PTPRO: variants seen among roughly 807,000 people sequenced by gnomAD.
The protein encoded by PTPRO is protein tyrosine phosphatase receptor type O.
A neutral mutation model predicts 145.2 loss-of-function variants in PTPRO; 62 were observed. The ratio of observed to expected loss-of-function variants is 0.43; its 90% confidence interval spans 0.35 to 0.53. The LOEUF (loss-of-function observed/expected upper bound fraction) is 0.53. Ranked by LOEUF, PTPRO falls within the 20% of genes least tolerant of loss-of-function variation. PTPRO has a pLI of 0.01. For synonymous variants in PTPRO, 565 were observed against 514.7 expected, an observed-to-expected ratio of 1.10 and a Z score of -1.32; for missense variants, 1,345 against 1,482.7, an observed-to-expected ratio of 0.91 and a Z score of 1.53.
chr12:15,545,807 G>A (rs1269556648), intron 12 of PTPRO, among the ~76,000 whole-genome samples: 1 of 152,120 alleles, frequency 6.6e-6, no homozygotes, highest in African/African-American at 2.4e-5. Flanking sequence ...GCCAAAGTGG[G>A]TGGATTGCTG....
intron 1 of PTPRO, among the ~76,000 whole-genome samples, chr12:15,364,898 A>G (rs1299625731): frequency 2.0e-5 from 3 of 152,180 alleles, no homozygotes; most frequent in Non-Finnish European, 4.4e-5. Context: ...TGTTATTCTA[A>G]TATCAGTTCA....
rs1944294582 is a variant in PTPRO at position 15,580,806 on chromosome 12, T to G, written c.3107T>G (p.Leu1036Arg). The G allele has an allele frequency of 1.2e-6, 2 of 1,613,980 alleles. No individual in the cohort carries two copies. The highest frequency in any genetic ancestry group is 1.7e-6 in the Non-Finnish European group (2 of 1,179,890). The change falls in exon 22 of 27, where the codon CTC (leucine) becomes CGC (arginine). Residue 1036 changes from leucine (L) to arginine (R), a missense_variant. This residue lies in a region of PTPRO where 208 missense variants were observed against 242.8 expected (regional missense o/e 0.86). Transcript: ENST00000281171. ...CAAAAGTCTCAGATTATTGTCATGCTCACTCAGTGTAATGAGAAAAGGAGG... is the reference window on the plus strand; with the variant it reads ...CAAAAGTCTCAGATTATTGTCATGCGCACTCAGTGTAATGAGAAAAGGAGG... ...LQQKSQIIVM[L>R]TQCNEKRRVK...
At chr12:15,423,780 G>A (rs1940209521) in intron 1 of PTPRO, among the ~76,000 whole-genome samples, 6 of 152,138 alleles carry the variant, frequency 3.9e-5, no homozygotes, top group Admixed American at 3.3e-4. Context: ...TTCATTCCTA[G>A]CCATCGCTTT....
At position 15,344,436 on chromosome 12, in the gene PTPRO, A is replaced by T. The variant is rs114090584; in HGVS notation, c.75+21635A>T. Among the ~76,000 whole-genome samples, 1,156 of 152,298 alleles carry T rather than the reference A, an allele frequency of 7.6e-3. 9 individuals carry two copies. Among genetic ancestry groups the T allele is most frequent in the African/African-American group, 0.026 (1,063 of 41,556 alleles). On this transcript the variant is annotated intron_variant, in intron 1 of 26. Coordinates refer to ENST00000281171, the MANE Select transcript of PTPRO (RefSeq NM_030667.3). Reference sequence around the variant, plus strand: ...ATCTCATAAAACTCAGATAAATGCAAATAAGTCAATGAAAAGAATAGCTCT... The same window carrying T: ...ATCTCATAAAACTCAGATAAATGCATATAAGTCAATGAAAAGAATAGCTCT...
chr12:15,395,212 AGCAGATGTAGGATCACG>A (rs915090759), intron 1 of PTPRO, among the ~76,000 whole-genome samples: 1 of 152,182 alleles, frequency 6.6e-6, no homozygotes, highest in Non-Finnish European at 1.5e-5. Context: ...GAAGAGCAGG[AGCAGATGTAGGATCACG>A]GCAGGGTGAG....
At chr12:15,477,887 A>G (rs985284578) in intron 1 of PTPRO, among the ~76,000 whole-genome samples, 9 of 152,120 alleles carry the variant, frequency 5.9e-5, no homozygotes, top group Admixed American at 4.6e-4. Flanking sequence ...TATCTCTTGC[A>G]CAGCTGTGAC....
At chr12:15,363,313 A>G (rs1938264556) in intron 1 of PTPRO, among the ~76,000 whole-genome samples, 2 of 152,186 alleles carry the variant, frequency 1.3e-5, no homozygotes, top group Admixed American at 6.5e-5. Flanking sequence ...TCTCCTCCAC[A>G]TGACGTTTAA....
intron 1 of PTPRO, among the ~76,000 whole-genome samples, chr12:15,325,003 A>G (rs1387001673): frequency 6.6e-6 from 1 of 152,154 alleles, no homozygotes; most frequent in Non-Finnish European, 1.5e-5. Flanking sequence ...GATGAGAAAA[A>G]ATTCATTATT....
At chr12:15,375,779 A>T (rs1938667592) in intron 1 of PTPRO, among the ~76,000 whole-genome samples, 1 of 147,732 alleles carries the variant, frequency 6.8e-6, no homozygotes, top group African/African-American at 2.5e-5. Context: ...AAAAAAAAAA[A>T]GGAAACAGAA....
Position 15,580,084 on chromosome 12 carries a change from G to T in PTPRO, c.2966G>T (p.Gly989Val), listed in dbSNP as rs1020997568. 3 of 1,612,916 alleles carry T rather than the reference G, an allele frequency of 1.9e-6. No individual in the cohort carries two copies. The African/African-American group carries it at 4.0e-5, about 22-fold the overall frequency. The part of the protein sequence containing the change: ...VRLVSMNEEE[G>V]ADYINANYIP... ...TTAGTCTCCATGAATGAAGAGGAAG[G>T]TGCAGACTACATCAATGCCAACTAT... Residue 989 changes from glycine (G) to valine (V), a missense_variant, in exon 21 of 27, where the codon GGT becomes GTT. This residue lies in a region of PTPRO where 1,130 missense variants were observed against 1,214.7 expected (regional missense o/e 0.93). Transcript: ENST00000281171.
chr12:15,392,878 A>T (rs1178333962), intron 1 of PTPRO, among the ~76,000 whole-genome samples: 4 of 152,106 alleles, frequency 2.6e-5, no homozygotes, highest in Non-Finnish European at 5.9e-5. Flanking sequence ...CCACAGGACA[A>T]ATCTTATGTA....
At chr12:15,433,702 T>C (rs1364929154) in intron 1 of PTPRO, among the ~76,000 whole-genome samples, 1 of 152,228 alleles carries the variant, frequency 6.6e-6, no homozygotes, top group Non-Finnish European at 1.5e-5. Context: ...CTCTATTCTG[T>C]TCCTTTGGTT....
chr12:15,363,832 G>A (rs1938280982), intron 1 of PTPRO, among the ~76,000 whole-genome samples: 1 of 152,052 alleles, frequency 6.6e-6, no homozygotes. Context: ...AAGGATCTAC[G>A]CTGACATAAT....
chr12:15,445,910 CAT>C (rs1412720997), intron 1 of PTPRO, among the ~76,000 whole-genome samples: 2 of 152,044 alleles, frequency 1.3e-5, no homozygotes, highest in Non-Finnish European at 2.9e-5. Context: ...TCAACTGAAA[CAT>C]ATTAGCAAAA....
At chr12:15,424,035 G>A (rs970844238) in intron 1 of PTPRO, among the ~76,000 whole-genome samples, 1 of 152,194 alleles carries the variant, frequency 6.6e-6, no homozygotes, top group African/African-American at 2.4e-5. Context: ...AGCCTGCAAG[G>A]AGAAGCATCC....
chr12:15,385,033 T>C (rs1184733114), intron 1 of PTPRO, among the ~76,000 whole-genome samples: 4 of 152,242 alleles, frequency 2.6e-5, no homozygotes, highest in Non-Finnish European at 5.9e-5. Context: ...CTAAACATAG[T>C]GTCATAACCT....
At chr12:15,506,962 A>T (rs116855407) in intron 6 of PTPRO, among the ~76,000 whole-genome samples, 3,255 of 152,224 alleles carry the variant, frequency 0.021, 45 homozygotes, top group Non-Finnish European at 0.034. Flanking sequence ...TTACTATTTC[A>T]TAGTGCTCCA....
intron 7 of PTPRO, among the ~76,000 whole-genome samples, chr12:15,514,555 G>T (rs574298979): frequency 1.3e-5 from 2 of 151,790 alleles, no homozygotes; most frequent in African/African-American, 2.4e-5. Context: ...AGCCTGGCAG[G>T]GTGCTTACCA....
chr12:15,358,380 TG>T (rs1938066357), intron 1 of PTPRO, among the ~76,000 whole-genome samples: 2 of 151,988 alleles, frequency 1.3e-5, no homozygotes, highest in African/African-American at 4.8e-5. Context: ...ACTTAAAGTA[TG>T]ATAATAATAA....
Sources: gnomAD v4.1 joint callset for allele counts (sites outside exome capture counted in the v4.1 genomes callset) on GRCh38, gnomAD v4.1.1 for gene constraint, gnomAD v4.1.1 regional missense constraint, MANE v1.5 for transcripts, NCBI Gene and HGNC (gene_info 2026-07-23, HGNC 2026-07-21) for gene names.